The following PACRG variants were observed in gnomAD, a reference collection of about 807,000 sequenced individuals.
PACRG encodes parkin coregulated.
PACRG carries 29 observed loss-of-function variants against 29.7 expected under a neutral mutation model. The observed-to-expected ratio is 0.98, with a 90% CI of 0.73 to 1.33. PACRG has a LOEUF of 1.33. PACRG is among the 40% of genes most tolerant of loss of function. PACRG has a pLI of 0.00. For missense variants in PACRG, 279 were observed against 316.2 expected (o/e 0.88, Z 0.89); for synonymous variants, 116 against 118.7 (o/e 0.98, Z 0.15).
At chr6:162,822,934 ATTATG>A (rs1055841083) in intron 2 of PACRG, among the ~76,000 whole-genome samples, 5 of 152,068 alleles carry the variant, frequency 3.3e-5, no homozygotes, top group Non-Finnish European at 1.5e-5. Flanking sequence ...AACATATGTT[ATTATG>A]TTATGTATAT....
Position 162,864,030 on chromosome 6 carries a change from C to T in PACRG, c.291+49749C>T, listed in dbSNP as rs559843673. On this transcript the variant is annotated intron_variant, in intron 2 of 4. Transcript: ENST00000366888. The stretch of plus-strand genomic sequence containing the variant: ...TCTATGGAGCCAAGGAATTTTCCAT[C>T]CTCTCAGTTTTATGGGAAGATACAG... Among the ~76,000 whole-genome samples, 5 of 152,180 alleles carry T rather than the reference C, an allele frequency of 3.3e-5. No homozygotes were observed. The South Asian group carries it at 1.0e-3, about 32-fold the overall frequency.
intron 2 of PACRG, among the ~76,000 whole-genome samples, chr6:162,950,605 T>A (rs184484303): frequency 9.8e-4 from 149 of 152,338 alleles, no homozygotes; most frequent in African/African-American, 3.4e-3. Flanking sequence ...AATTAAAATA[T>A]GGTTTTGGAT....
intron 2 of PACRG, among the ~76,000 whole-genome samples, chr6:162,903,451 A>G (rs1795698852): frequency 6.6e-6 from 1 of 152,216 alleles, no homozygotes; most frequent in Admixed American, 6.5e-5. Context: ...TCACAGTTCC[A>G]TGTGGCTGGG....
intron 2 of PACRG, among the ~76,000 whole-genome samples, chr6:162,870,404 A>G (rs1395097393): frequency 2.6e-5 from 4 of 152,168 alleles, no homozygotes; most frequent in Admixed American, 2.6e-4. Context: ...TCTTGCTACC[A>G]CACGTACATT....
chr6:162,753,731 A>ACT (rs905034242), intron 1 of PACRG, among the ~76,000 whole-genome samples: 10 of 149,834 alleles, frequency 6.7e-5, no homozygotes, highest in African/African-American at 1.2e-4. Context: ...AGCTTTTTTC[A>ACT]CTCTCTCTCT....
chr6:163,283,323 T>C (rs114260225), intron 4 of PACRG, among the ~76,000 whole-genome samples: 1,702 of 152,282 alleles, frequency 0.011, 34 homozygotes, highest in African/African-American at 0.039. Flanking sequence ...GATGTGGAAA[T>C]TGCAATGAAG....
At chr6:162,746,275 G>T (rs1190071421) in intron 1 of PACRG, among the ~76,000 whole-genome samples, 2 of 152,056 alleles carry the variant, frequency 1.3e-5, no homozygotes, top group Non-Finnish European at 2.9e-5. Flanking sequence ...AGGTTATTTT[G>T]CATGATAAAA....
intron 1 of PACRG, among the ~76,000 whole-genome samples, chr6:162,755,719 G>A (rs937091135): frequency 2.0e-5 from 3 of 152,186 alleles, no homozygotes; most frequent in Non-Finnish European, 2.9e-5. Flanking sequence ...TTACAGGCAT[G>A]AGCCATGGCA....
intron 2 of PACRG, among the ~76,000 whole-genome samples, chr6:162,892,853 A>G (rs1794865920): frequency 6.6e-6 from 1 of 150,870 alleles, no homozygotes; most frequent in Non-Finnish European, 1.5e-5. Flanking sequence ...ATTTTATTCC[A>G]GTGGAGGGAG....
At chr6:162,855,179 C>G (rs147638806) in intron 2 of PACRG, among the ~76,000 whole-genome samples, 1 of 152,216 alleles carries the variant, frequency 6.6e-6, no homozygotes, top group Non-Finnish European at 1.5e-5. Context: ...GGAGATAATG[C>G]CCAGCGCTGA....
At chr6:163,065,486 G>C (rs1343220371) in intron 3 of PACRG, among the ~76,000 whole-genome samples, 1 of 152,292 alleles carries the variant, frequency 6.6e-6, no homozygotes, top group African/African-American at 2.4e-5. Context: ...AGGGCAGAGA[G>C]GGGCCAAGAG....
chr6:163,233,074 C>A (rs1409802573), intron 4 of PACRG, among the ~76,000 whole-genome samples: 1 of 152,256 alleles, frequency 6.6e-6, no homozygotes. Context: ...GTTAAGTTTT[C>A]TCTTGTATTG....
chr6:163,114,015 C>T (rs1453163171), intron 4 of PACRG, among the ~76,000 whole-genome samples: 3 of 152,060 alleles, frequency 2.0e-5, no homozygotes, highest in African/African-American at 4.8e-5. Flanking sequence ...TTTGGGAGGC[C>T]GAGGTGGGCA....
At chr6:162,727,707 C>A (rs371617209), upstream of PACRG, 65 of 1,558,076 alleles carry the variant, frequency 4.2e-5, no homozygotes, top group East Asian at 7.8e-4. Context: ...CAGGAACAGG[C>A]CCATGCGCGC....
At chr6:162,902,557 A>G (rs1364340498) in intron 2 of PACRG, among the ~76,000 whole-genome samples, 1 of 152,212 alleles carries the variant, frequency 6.6e-6, no homozygotes, top group Non-Finnish European at 1.5e-5. Flanking sequence ...CCATTATCCC[A>G]TCTTATTAAA....
intron 1 of PACRG, among the ~76,000 whole-genome samples, chr6:162,800,182 T>C (rs2128339444): frequency 6.6e-6 from 1 of 152,332 alleles, no homozygotes; most frequent in South Asian, 2.1e-4. Flanking sequence ...CCTTTTTCTA[T>C]ATTTAACTGC....
chr6:162,836,691 C>T (rs1426939328), intron 2 of PACRG, among the ~76,000 whole-genome samples: 4 of 151,980 alleles, frequency 2.6e-5, no homozygotes, highest in African/African-American at 9.7e-5. Context: ...TAGTCACATC[C>T]CTTCTTGTTT....
At position 162,827,716 on chromosome 6, in the gene PACRG, G is replaced by A. The variant is rs1244965566; in HGVS notation, c.291+13435G>A. ...TCTGTGCATGTAGATTACCAACCAT[G>A]CTGCCTCCCTTTTTGTCTCTGAACC... is the stretch of plus-strand genomic sequence containing the variant. On this transcript the variant is annotated intron_variant, in intron 2 of 4. Transcript: ENST00000366888. Among the ~76,000 whole-genome samples the A allele has an allele frequency of 5.3e-5, 8 of 152,208 alleles. 1 individual carries two copies. The highest frequency in any genetic ancestry group is 1.9e-4 in the African/African-American group (8 of 41,522).
At chr6:163,178,611 A>G (rs1250067104) in intron 4 of PACRG, among the ~76,000 whole-genome samples, 2 of 152,208 alleles carry the variant, frequency 1.3e-5, no homozygotes, top group African/African-American at 2.4e-5. Context: ...GAGAGAAATT[A>G]AACACCTGTC....
Sources: gnomAD v4.1 joint callset for allele counts (sites outside exome capture counted in the v4.1 genomes callset) on GRCh38, gnomAD v4.1.1 for gene constraint, MANE v1.5 for transcripts, NCBI Gene and HGNC (gene_info 2026-07-23, HGNC 2026-07-21) for gene names.